NAV3: variants seen among roughly 807,000 people sequenced by gnomAD.
The protein encoded by NAV3 is neuron navigator 3.
In NAV3, 87 loss-of-function variants were observed where a neutral mutation model predicts 244.7. The ratio of observed to expected loss-of-function variants is 0.36; its 90% CI spans 0.30 to 0.42. NAV3 has a LOEUF of 0.42. NAV3 is among the 20% of genes least tolerant of loss of function. NAV3 has a pLI of 1.00. For synonymous variants in NAV3, 1,126 were observed against 1,042.2 expected (o/e 1.08, Z -1.55); for missense variants, 2,663 against 2,893.3 (o/e 0.92, Z 1.83).
chr12:78,112,173 A>C (rs1955128522), intron 12 of NAV3, among the ~76,000 whole-genome samples: 1 of 152,158 alleles, frequency 6.6e-6, no homozygotes, highest in Non-Finnish European at 1.5e-5. Flanking sequence ...AAACAACTGA[A>C]TAATTTAATT....
intron 2 of NAV3, among the ~76,000 whole-genome samples, chr12:77,699,478 A>T (rs578029972): frequency 6.6e-6 from 1 of 152,136 alleles, no homozygotes; most frequent in African/African-American, 2.4e-5. Context: ...TGGACACAGC[A>T]TGGTAGGGAT....
At chr12:77,666,165 G>A (rs944609938) in intron 2 of NAV3, among the ~76,000 whole-genome samples, 6 of 148,138 alleles carry the variant, frequency 4.1e-5, no homozygotes, top group Non-Finnish European at 7.4e-5. Context: ...GCTTCCAATA[G>A]CAACATGTTT....
chr12:77,683,453 A>T (rs1011329880), intron 2 of NAV3, among the ~76,000 whole-genome samples: 1 of 152,028 alleles, frequency 6.6e-6, no homozygotes, highest in Non-Finnish European at 1.5e-5. Context: ...GTCAGGTAAT[A>T]TGATGGCTCC....
At chr12:77,806,080 G>T (rs938959405) in intron 2 of NAV3, among the ~76,000 whole-genome samples, 1 of 152,006 alleles carries the variant, frequency 6.6e-6, no homozygotes, top group Non-Finnish European at 1.5e-5. Context: ...AGTCTGGCTA[G>T]CTGTCTATCT....
At chr12:77,864,000 A>T (rs906620174) in intron 1 of NAV3, among the ~76,000 whole-genome samples, 2 of 151,930 alleles carry the variant, frequency 1.3e-5, no homozygotes, top group East Asian at 3.8e-4. Flanking sequence ...CTGCAACTGT[A>T]AAAATACAAC....
chr12:78,180,765 C>T, intron 29 of NAV3, 106 bp from the exon 30 acceptor site: 1 of 858,320 alleles, frequency 1.2e-6, no homozygotes, highest in Non-Finnish European at 1.8e-6. Context: ...AACATATTAA[C>T]ATGTTTTATT....
chr12:78,096,185 A>G lies in NAV3; in HGVS notation c.2637-20587A>G, dbSNP rs74368917. 1.5e-3 allele frequency among the ~76,000 whole-genome samples: 236 copies of G among 152,298 alleles called. 3 individuals are homozygous for G. Among genetic ancestry groups the G allele is most frequent in the African/African-American group, 5.3e-3 (222 of 41,576 alleles). On this transcript the variant is annotated intron_variant, in intron 12 of 39. Coordinates refer to ENST00000397909, the MANE Select transcript of NAV3 (RefSeq NM_001024383.2). ...TCAACACCTCATAGGATATGTCCCA[A>G]CCAATTATATGGCTTCCCCTATAAA...
In NAV3 at chr12:77,773,178, A is replaced by G. The variant is rs1420043595; in HGVS notation, c.73-167141A>G. ...ATCAGACATTTTGTTTTTCACCAAA[A>G]GTGTTGATCATTACTGAATCATCTT... On this transcript the variant is annotated intron_variant, in intron 2 of 8. Coordinates refer to the NAV3 transcript ENST00000550042. 5.3e-5 allele frequency among the ~76,000 whole-genome samples: 8 copies of G among 151,986 alleles called. No individual in the cohort carries two copies. In the East Asian group the frequency reaches 1.5e-3, roughly 29 times the overall value.
At chr12:77,961,644 ATAT>A (rs1892015715) in intron 3 of NAV3, among the ~76,000 whole-genome samples, 2 of 141,396 alleles carry the variant, frequency 1.4e-5, no homozygotes, top group Non-Finnish European at 1.5e-5. Flanking sequence ...ATTATGCAAT[ATAT>A]TATTACATTA....
chr12:77,573,560 G>C (rs1309580156), intron 2 of NAV3, among the ~76,000 whole-genome samples: 1 of 152,144 alleles, frequency 6.6e-6, no homozygotes, highest in Non-Finnish European at 1.5e-5. Context: ...TGTTCAGCCT[G>C]CTTTTCTTCC....
chr12:78,087,779 G>T (rs35923221), intron 12 of NAV3, among the ~76,000 whole-genome samples: 16,553 of 151,774 alleles, frequency 0.11, 962 homozygotes, highest in Non-Finnish European at 0.13. Context: ...ATGGTTCTAT[G>T]TATACTTTAG....
At chr12:77,789,764 C>T (rs1326142908) in intron 2 of NAV3, among the ~76,000 whole-genome samples, 7 of 141,150 alleles carry the variant, frequency 5.0e-5, no homozygotes, top group Admixed American at 1.5e-4. Flanking sequence ...GAGCTGAGAT[C>T]GTGCCATTGC....
At chr12:77,856,900 G>A (rs558720902) in intron 1 of NAV3, among the ~76,000 whole-genome samples, 19 of 152,112 alleles carry the variant, frequency 1.2e-4, no homozygotes, top group Non-Finnish European at 2.5e-4. Context: ...TAAATTTTTA[G>A]ACTTTGGACA....
chr12:77,990,474 G>T (rs1402699042), intron 5 of NAV3, among the ~76,000 whole-genome samples: 1 of 152,164 alleles, frequency 6.6e-6, no homozygotes, highest in East Asian at 1.9e-4. Flanking sequence ...TATCTAAGAG[G>T]CCTGATGGTC....
chr12:78,190,311 T>A, intron 34 of NAV3, 92 bp downstream of exon 34: 3 of 998,948 alleles, frequency 3.0e-6, no homozygotes, highest in Non-Finnish European at 4.4e-6. Context: ...TTCCATGTTG[T>A]ACATGGAAAA....
chr12:78,078,295 C>A (rs1953156391), intron 12 of NAV3, among the ~76,000 whole-genome samples: 1 of 149,658 alleles, frequency 6.7e-6, no homozygotes, highest in Non-Finnish European at 1.5e-5. Context: ...ATAACATTCT[C>A]ATTCTCTTTG....
chr12:77,944,954 T>C (rs1203340677), intron 3 of NAV3, among the ~76,000 whole-genome samples: 1 of 152,098 alleles, frequency 6.6e-6, no homozygotes, highest in Admixed American at 6.6e-5. Flanking sequence ...AAATAGCTGG[T>C]ATACTGGAAT....
At chr12:77,750,745 T>G (rs10777394) in intron 2 of NAV3, among the ~76,000 whole-genome samples, 72,041 of 151,886 alleles carry the variant, frequency 0.47, 17,631 homozygotes, top group African/African-American at 0.57. Context: ...ATATGGCAAG[T>G]CATGCTGTTA....
intron 14 of NAV3, 142 bp downstream of exon 14, chr12:78,118,439 T>C: frequency 8.4e-7 from 1 of 1,190,558 alleles, no homozygotes; most frequent in Non-Finnish European, 1.1e-6. Flanking sequence ...GTTAAATAGT[T>C]TTTCTGTCTA....
Sources: gnomAD v4.1 joint callset for allele counts (sites outside exome capture counted in the v4.1 genomes callset) on GRCh38, gnomAD v4.1.1 for gene constraint, MANE v1.5 for transcripts, NCBI Gene and HGNC (gene_info 2026-07-23, HGNC 2026-07-21) for gene names.